GPRIN3: variants seen among roughly 807,000 people sequenced by gnomAD.
The protein encoded by GPRIN3 is G protein-regulated inducer of neurite outgrowth 3.
A neutral mutation model predicts 13.7 loss-of-function variants in GPRIN3; 12 were observed. The observed-to-expected ratio is 0.87, with a 90% confidence interval of 0.56 to 1.42. The LOEUF (loss-of-function observed/expected upper bound fraction) is 1.42. GPRIN3 is among the 40% of genes most tolerant of loss of function. The pLI is 0.00. For synonymous variants in GPRIN3, 377 were observed against 372.7 expected (o/e 1.01, Z -0.13); for missense variants, 1,009 against 958.7 (o/e 1.05, Z -0.69).
chr4:89,262,912 GACAA>G (rs1323781078), intron 1 of GPRIN3, among the ~76,000 whole-genome samples: 1 of 151,918 alleles, frequency 6.6e-6, no homozygotes, highest in African/African-American at 2.4e-5. Flanking sequence ...GATGACCTAA[GACAA>G]ACAACTACGA....
chr4:89,255,588 G>T (rs1043546610), intron 1 of GPRIN3, among the ~76,000 whole-genome samples: 3 of 152,142 alleles, frequency 2.0e-5, no homozygotes, highest in Non-Finnish European at 4.4e-5. Flanking sequence ...GGGCAGGTGT[G>T]TCAGTGGATG....
intron 1 of GPRIN3, among the ~76,000 whole-genome samples, chr4:89,299,508 C>T (rs1431545): frequency 0.61 from 92,837 of 151,926 alleles, 28,669 homozygotes; most frequent in Non-Finnish European, 0.66. Flanking sequence ...TCTTGTTGCC[C>T]CAAAAGGGCA....
At chr4:89,279,119 G>A (rs952912847) in intron 1 of GPRIN3, among the ~76,000 whole-genome samples, 2 of 152,178 alleles carry the variant, frequency 1.3e-5, no homozygotes, top group African/African-American at 4.8e-5. Context: ...CAGGAGTGTT[G>A]TAAAAAGAAA....
chr4:89,277,937 A>T (rs1424336045), intron 1 of GPRIN3, among the ~76,000 whole-genome samples: 1 of 152,020 alleles, frequency 6.6e-6, no homozygotes, highest in African/African-American at 2.4e-5. Context: ...CTCAGCTCAG[A>T]TCTATACCTT....
rs1204398315 is a variant in GPRIN3, at chr4:89,248,237, G to C, written c.1874C>G (p.Ser625Cys). 2.0e-5 allele frequency: 32 copies of C among 1,614,100 alleles called. No homozygotes were observed. Among genetic ancestry groups the C allele is most frequent in the Non-Finnish European group, 2.6e-5 (31 of 1,180,028 alleles). Residue 625 changes from serine to cysteine, a missense_variant, in exon 2 of 2, where the codon TCT (serine) becomes TGT (cysteine). Ser to Cys is a moderately radical substitution (Grantham distance 112). Transcript: ENST00000609438. ...GCGTGGGCTGGCTTTGACGGAGCGA[G>C]ATGGGGTCTTCTTGCCAGAACCTGG... Reference protein sequence around the residue: ...SSPGSGKKTPSRSVKASPRRP... With the variant: ...SSPGSGKKTPCRSVKASPRRP...
chr4:89,251,278 T>C (rs993846005), intron 1 of GPRIN3: 5 of 152,186 alleles, frequency 3.3e-5, no homozygotes, highest in African/African-American at 1.2e-4. Flanking sequence ...TTCACACCAG[T>C]TGCATCTGCA....
intron 1 of GPRIN3, 50 bp downstream of exon 1, chr4:89,307,565 G>C (rs1157014477): frequency 6.6e-6 from 1 of 152,244 alleles, no homozygotes; most frequent in African/African-American, 2.4e-5. Flanking sequence ...ACCAGGCTCC[G>C]GTCCCCCGCG....
At chr4:89,277,714 G>A (rs147986656) in intron 1 of GPRIN3, among the ~76,000 whole-genome samples, 61 of 152,284 alleles carry the variant, frequency 4.0e-4, no homozygotes, top group East Asian at 1.5e-3. Flanking sequence ...CTCAGCCTTC[G>A]TCACTGGAGT....
At chr4:89,276,811 G>T (rs1464636254) in intron 1 of GPRIN3, among the ~76,000 whole-genome samples, 1 of 152,076 alleles carries the variant, frequency 6.6e-6, no homozygotes, top group African/African-American at 2.4e-5. Flanking sequence ...TGGCTGGGTG[G>T]TGCTTCACCT....
chr4:89,275,228 T>C (rs1294171666), intron 1 of GPRIN3, among the ~76,000 whole-genome samples: 2 of 151,986 alleles, frequency 1.3e-5, no homozygotes, highest in Non-Finnish European at 2.9e-5. Flanking sequence ...GCAATTACCC[T>C]AAGAGTAAAG....
In GPRIN3 at chr4:89,248,007, C is replaced by T. The variant is rs760047196; in HGVS notation, c.2104G>A (p.Ala702Thr). The T allele has an allele frequency of 3.5e-5, 57 of 1,613,958 alleles. No individual in the cohort carries two copies. The highest frequency in any genetic ancestry group is 1.1e-4 in the African/African-American group (8 of 74,876). ...TWEVYGASLD[A>T]ESLGIAIQNH... ...TGGATCGCGATTCCCAGGGACTCTGCGTCCAAGGATGCACCATACACTTCC... is the reference window on the plus strand; with the variant it reads ...TGGATCGCGATTCCCAGGGACTCTGTGTCCAAGGATGCACCATACACTTCC... The change falls in exon 2 of 2, where the codon GCA becomes ACA. Residue 702 changes from alanine (A) to threonine (T), a missense_variant. Physicochemically the swap from Ala to Thr is moderately conservative, Grantham distance 58 (BLOSUM62 0). Coordinates refer to ENST00000609438, the MANE Select transcript of GPRIN3 (RefSeq NM_198281.3).
chr4:89,285,624 A>T (rs1438948346), intron 1 of GPRIN3, among the ~76,000 whole-genome samples: 1 of 152,218 alleles, frequency 6.6e-6, no homozygotes, highest in Non-Finnish European at 1.5e-5. Flanking sequence ...CATCACAAAT[A>T]TCTCAACTTC....
chr4:89,306,235 C>G (rs565765132), intron 1 of GPRIN3, among the ~76,000 whole-genome samples: 1 of 152,090 alleles, frequency 6.6e-6, no homozygotes, highest in Non-Finnish European at 1.5e-5. Flanking sequence ...ACCTTTATTC[C>G]CACAATTGTT....
chr4:89,303,265 C>A (rs935233419), intron 1 of GPRIN3, among the ~76,000 whole-genome samples: 3 of 152,196 alleles, frequency 2.0e-5, no homozygotes, highest in Non-Finnish European at 4.4e-5. Flanking sequence ...GGCTACCAAG[C>A]GATCTGGTTC....
chr4:89,275,466 G>A (rs943349772), intron 1 of GPRIN3, among the ~76,000 whole-genome samples: 11 of 152,288 alleles, frequency 7.2e-5, no homozygotes, highest in Non-Finnish European at 1.3e-4. Flanking sequence ...GGTTATGTGG[G>A]TATCTTGGAA....
At chr4:89,270,593 A>ATT (rs1474173122) in intron 1 of GPRIN3, among the ~76,000 whole-genome samples, 1 of 129,470 alleles carries the variant, frequency 7.7e-6, no homozygotes, top group Non-Finnish European at 1.6e-5. Context: ...ATATATATAT[A>ATT]TATATATAAA....
chr4:89,297,227 G>C (rs1724763152), intron 1 of GPRIN3, among the ~76,000 whole-genome samples: 1 of 152,122 alleles, frequency 6.6e-6, no homozygotes, highest in Admixed American at 6.6e-5. Flanking sequence ...AGACGTCACT[G>C]GCAGATAAGC....
At chr4:89,301,229 G>A (rs1422339726) in intron 1 of GPRIN3, among the ~76,000 whole-genome samples, 1 of 152,166 alleles carries the variant, frequency 6.6e-6, no homozygotes, top group Non-Finnish European at 1.5e-5. Context: ...CTCACAGTGA[G>A]TCAAATGTCT....
At chr4:89,289,031 G>C (rs1050083165) in intron 1 of GPRIN3, among the ~76,000 whole-genome samples, 4 of 151,574 alleles carry the variant, frequency 2.6e-5, no homozygotes, top group African/African-American at 9.7e-5. Flanking sequence ...TCCACTTTCA[G>C]ATCATCCCTT....
Sources: allele counts gnomAD v4.1 joint callset (sites outside exome capture counted in the v4.1 genomes callset), GRCh38; gene constraint gnomAD v4.1.1; transcripts MANE v1.5; gene names NCBI Gene and HGNC (gene_info 2026-07-23, HGNC 2026-07-21).